The following CHGA variants were observed in gnomAD, a reference collection of about 807,000 sequenced individuals.
The protein encoded by CHGA is chromogranin A, also known as chromogranin-A.
In CHGA, 41 loss-of-function variants were observed where a neutral mutation model predicts 54.4. The ratio of observed to expected loss-of-function variants is 0.75; its 90% CI spans 0.59 to 0.98. The LOEUF (loss-of-function observed/expected upper bound fraction) is 0.98, where lower values mean the gene tolerates loss of function less well. Among genes scored for constraint, CHGA ranks in the 50% least tolerant of loss-of-function variants. The probability of loss-of-function intolerance (pLI) is 0.00; values close to 1 mark genes in which losing one functional copy is unlikely to be tolerated. For missense variants in CHGA, 576 were observed against 582.3 expected, an observed-to-expected ratio of 0.99 and a Z score of 0.11; for synonymous variants, 249 against 232.8, an observed-to-expected ratio of 1.07 and a Z score of -0.63.
chr14:92,924,296 A>C, intron 2 of CHGA, 51 bp downstream of exon 2: 1 of 1,562,802 alleles, frequency 6.4e-7, no homozygotes. Context: ...TGGACACTTC[A>C]CAGCCAGTTC....
chr14:92,934,794 C>A lies in CHGA; in HGVS notation c.1291-7C>A. The stretch of plus-strand genomic sequence containing the variant: ...CTGGCCCGAGTGAACCCCAATGTCT[C>A]TCCTAGGACCAGGAGCTGGAGAGCC... On this transcript the variant is annotated splice_polypyrimidine_tract_variant and splice_region_variant and intron_variant, in intron 7 of 7. Transcript: ENST00000216492. The A allele has an allele frequency of 6.4e-7, 1 of 1,574,784 alleles. No homozygotes were observed. The highest frequency in any genetic ancestry group is 8.6e-7 in the Non-Finnish European group (1 of 1,161,080).
rs1013755764 is a variant in CHGA at position 92,926,760 on chromosome 14, G to T, written c.187+62G>T. 7 of 1,376,374 alleles carry T rather than the reference G, an allele frequency of 5.1e-6. No homozygotes were observed. In the South Asian group the frequency reaches 7.0e-5, roughly 14 times the overall value. 85.3% of individuals were successfully genotyped at this position (1,376,374 alleles called of 1,614,324 possible). On this transcript the variant is annotated intron_variant, in intron 3 of 7. Transcript: ENST00000216492. ...GCTGGGCTGGGAGGCTAGGACATGG[G>T]TGTGTGGCTTTTGGTGGAATTAATG...
chr14:92,923,120 A>C (rs887991861), upstream of CHGA: 1 of 323,258 alleles, frequency 3.1e-6, no homozygotes. Flanking sequence ...GGGTCGGGGT[A>C]TATAAGCGGG....
At chr14:92,930,594 G>A (rs537689387) in intron 5 of CHGA, among the ~76,000 whole-genome samples, 1 of 152,316 alleles carries the variant, frequency 6.6e-6, no homozygotes, top group East Asian at 1.9e-4. Flanking sequence ...TCTGCTGCCC[G>A]CAAACTGTGA....
At position 92,931,386 on chromosome 14, in the gene CHGA, G is replaced by A; in HGVS notation, c.492G>A (p.Glu164=). The A allele has an allele frequency of 1.2e-6, 2 of 1,612,934 alleles. No homozygotes were observed. The highest frequency in any genetic ancestry group is 1.3e-5 in the African/African-American group (1 of 75,056). ...AGCCCATGCAGGAGTCCAAGGCTGA[G>A]GGGAACAATCAGGCCCCTGGGGAGG... ...LPEPMQESKA[E]GNNQAPGEEE... The change falls in exon 6 of 8, where the codon GAG becomes GAA. Residue 164 remains glutamate (E), a synonymous_variant. Transcript: ENST00000216492.
intron 1 of CHGA, 109 bp downstream of exon 1, chr14:92,923,514 C>A (rs1485731480): frequency 2.9e-6 from 3 of 1,046,900 alleles, no homozygotes; most frequent in South Asian, 4.6e-5. Flanking sequence ...CCTTCGGGCG[C>A]GGCGAGTTTT....
At position 92,931,371 on chromosome 14, in the gene CHGA, G is replaced by A; in HGVS notation, c.477G>A (p.Gln159=). 1 of 1,613,332 alleles carries A rather than the reference G, an allele frequency of 6.2e-7. No homozygotes were observed. Among genetic ancestry groups the A allele is most frequent in the Non-Finnish European group, 8.5e-7 (1 of 1,179,896 alleles). The change falls in exon 6 of 8, where the codon CAG becomes CAA. Residue 159 remains glutamine, a synonymous_variant. Coordinates refer to ENST00000216492, the MANE Select transcript of CHGA (RefSeq NM_001275.4). ...ARPQALPEPM[Q]ESKAEGNNQA... is the part of the protein sequence containing the mutation. ...CCCAGGCCCTCCCGGAGCCCATGCA[G>A]GAGTCCAAGGCTGAGGGGAACAATC...
At chr14:92,934,705 C>T in intron 7 of CHGA, 96 bp from the exon 8 acceptor site, 2 of 859,382 alleles carry the variant, frequency 2.3e-6, no homozygotes, top group East Asian at 5.5e-5. Flanking sequence ...AGCCACCTGT[C>T]CGAGGCCACA....
At position 92,923,279 on chromosome 14, in the gene CHGA, C is replaced by A; in HGVS notation, c.-81C>A. ...CGCCGGTGCCACCGCAGCCCGACCC[C>A]GGCCGCCAGTCCAGCCGCCCCTCGC... is the stretch of plus-strand genomic sequence containing the variant. On this transcript the variant is annotated 5_prime_UTR_variant, in exon 1 of 8. Coordinates refer to ENST00000216492, the MANE Select transcript of CHGA (RefSeq NM_001275.4). 8.2e-7 allele frequency: 1 copy of A among 1,214,182 alleles called. No homozygotes were observed. 75.2% of individuals were successfully genotyped at this position (1,214,182 alleles called of 1,614,324 possible).
rs538758476 is a variant in CHGA at position 92,927,336 on chromosome 14, G to A, written c.188-214G>A. ...CTTTGGCTAAGGTCTGGCTGCTGGG[G>A]CAGTGGCTGACTTCTCTGATGTAGT... On this transcript the variant is annotated intron_variant, in intron 3 of 7. Coordinates refer to ENST00000216492, the MANE Select transcript of CHGA (RefSeq NM_001275.4). Among the ~76,000 whole-genome samples the A allele has an allele frequency of 3.3e-5, 5 of 152,330 alleles. No homozygotes were observed. In the South Asian group the frequency reaches 8.3e-4, roughly 25 times the overall value.
chr14:92,927,723 T>A (rs1294229328), intron 4 of CHGA, 105 bp downstream of exon 4: 1 of 910,268 alleles, frequency 1.1e-6, no homozygotes, highest in Non-Finnish European at 1.7e-6. Flanking sequence ...TGTCATTTCC[T>A]TTTAATTATA....
intron 7 of CHGA, chr14:92,933,288 G>A: frequency 6.3e-6 from 1 of 159,808 alleles, no homozygotes; most frequent in Non-Finnish European, 1.4e-5. Flanking sequence ...GTGGGGAGTG[G>A]GTGGGAGCCA....
At position 92,931,772 on chromosome 14, in the gene CHGA, C is replaced by T; in HGVS notation, c.808+70C>T. 14 of 1,431,896 alleles carry T rather than the reference C, an allele frequency of 9.8e-6. No individual in the cohort carries two copies. The South Asian group carries it at 1.6e-4, about 17-fold the overall frequency. 88.7% of individuals were successfully genotyped at this position (1,431,896 alleles called of 1,614,324 possible). On this transcript the variant is annotated intron_variant, in intron 6 of 7. Coordinates refer to ENST00000216492, the MANE Select transcript of CHGA (RefSeq NM_001275.4). ...GGGATGGGTGGGAGGAGAGCCTTCTCCATAACCTCATTCCACCTTCATAAC... is the reference window on the plus strand; with the variant it reads ...GGGATGGGTGGGAGGAGAGCCTTCTTCATAACCTCATTCCACCTTCATAAC...
At chr14:92,924,169 G>C (rs1886842201) in intron 1 of CHGA, 30 bp from the exon 2 acceptor site, 1 of 1,607,354 alleles carries the variant, frequency 6.2e-7, no homozygotes, top group Non-Finnish European at 8.5e-7. Context: ...GAGCAGAGGA[G>C]TGACCCCAGC....
intron 4 of CHGA, among the ~76,000 whole-genome samples, chr14:92,928,370 A>G (rs2295400): frequency 0.57 from 86,275 of 151,990 alleles, 26,062 homozygotes; most frequent in East Asian, 0.84. Flanking sequence ...GGGAGGAGGC[A>G]CGTAAACACA....
intron 5 of CHGA, 32 bp from the exon 6 acceptor site, chr14:92,931,218 C>G: frequency 6.3e-7 from 1 of 1,577,568 alleles, no homozygotes; most frequent in Admixed American, 1.8e-5. Flanking sequence ...GCCCAGTCCT[C>G]AGGGCCTGAC....
At chr14:92,926,352 C>T (rs1566672905) in intron 2 of CHGA, 2 of 529,444 alleles carry the variant, frequency 3.8e-6, no homozygotes, top group Non-Finnish European at 6.8e-6. Flanking sequence ...TATGATCCAC[C>T]TTGGAGGGGA....
In CHGA at chr14:92,927,719, T is replaced by C. The variant is rs866035084; in HGVS notation, c.256+101T>C. 2.0e-5 allele frequency: 18 copies of C among 917,336 alleles called. No homozygotes were observed. The Middle Eastern group carries it at 1.5e-3, about 79-fold the overall frequency. 56.8% of individuals were successfully genotyped at this position (917,336 alleles called of 1,614,324 possible). A position where few individuals can be genotyped will look rare whatever the true frequency, so the allele number is the denominator to read the frequency against. On this transcript the variant is annotated intron_variant, in intron 4 of 7. Coordinates refer to ENST00000216492, the MANE Select transcript of CHGA (RefSeq NM_001275.4). ...GCAAGTTCCTCTCTGGGACTGTCAT[T>C]TCCTTTTAATTATAAAGCGGAAAAG...
chr14:92,927,635 G>T lies in CHGA; in HGVS notation c.256+17G>T. 6.2e-7 allele frequency: 1 copy of T among 1,601,844 alleles called. No individual in the cohort carries two copies. The highest frequency in any genetic ancestry group is 8.5e-7 in the Non-Finnish European group (1 of 1,172,532). ...CTCTCCAAGGTATTTTCCAGCCACT[G>T]CACTTGACTCTGGGTAAATTCCAGT... On this transcript the variant is annotated intron_variant, in intron 4 of 7. Transcript: ENST00000216492.
Sources: allele counts gnomAD v4.1 joint callset (sites outside exome capture counted in the v4.1 genomes callset), GRCh38; gene constraint gnomAD v4.1.1; transcripts MANE v1.5; gene names NCBI Gene and HGNC (gene_info 2026-07-23, HGNC 2026-07-21).